The following TSPAN18 variants were observed in gnomAD, a reference collection of about 807,000 sequenced individuals.
The protein encoded by TSPAN18 is tetraspanin-18.
In TSPAN18, 14 loss-of-function variants were observed where a neutral mutation model predicts 27.3. The ratio of observed to expected loss-of-function variants is 0.51; its 90% CI spans 0.34 to 0.80. The LOEUF is 0.80. Ranked by LOEUF, TSPAN18 falls within the 30% of genes least tolerant of loss-of-function variation. TSPAN18 has a pLI of 0.01. For synonymous variants in TSPAN18, 143 were observed against 136.5 expected, an observed-to-expected ratio of 1.05 and a Z score of -0.33; for missense variants, 268 against 323.9, an observed-to-expected ratio of 0.83 and a Z score of 1.32.
At chr11:44,900,123 G>A (rs1859204213) in intron 3 of TSPAN18, among the ~76,000 whole-genome samples, 1 of 152,246 alleles carries the variant, frequency 6.6e-6, no homozygotes, top group Non-Finnish European at 1.5e-5. Flanking sequence ...CTAACAGCCA[G>A]GCAGGGATTG....
chr11:44,741,798 A>G (rs1490460741), intron 1 of TSPAN18, among the ~76,000 whole-genome samples: 9 of 152,202 alleles, frequency 5.9e-5, no homozygotes, highest in South Asian at 4.1e-4. Flanking sequence ...TCATCTAGAA[A>G]AAAGGGACAG....
At chr11:44,762,178 A>G (rs555000951) in intron 1 of TSPAN18, among the ~76,000 whole-genome samples, 108 of 152,344 alleles carry the variant, frequency 7.1e-4, no homozygotes, top group African/African-American at 2.3e-3. Flanking sequence ...TGGGCACCCA[A>G]GGGGTCATTG....
chr11:44,778,885 A>G (rs1554982455), intron 2 of TSPAN18, among the ~76,000 whole-genome samples: 1 of 152,136 alleles, frequency 6.6e-6, no homozygotes, highest in Non-Finnish European at 1.5e-5. Flanking sequence ...CAGTGCAGCC[A>G]GCTGTCCAGT....
intron 3 of TSPAN18, among the ~76,000 whole-genome samples, chr11:44,897,109 T>A (rs1209880590): frequency 6.6e-6 from 1 of 152,132 alleles, no homozygotes; most frequent in Non-Finnish European, 1.5e-5. Context: ...GGGACTGTCC[T>A]CTAACCCAAA....
intron 8 of TSPAN18, among the ~76,000 whole-genome samples, chr11:44,923,827 C>T (rs970193585): frequency 2.9e-5 from 4 of 135,976 alleles, no homozygotes; most frequent in African/African-American, 1.4e-4. Flanking sequence ...CTGTCCATGC[C>T]CCAACCTCCC....
At chr11:44,814,193 G>A (rs1474516791) in intron 2 of TSPAN18, among the ~76,000 whole-genome samples, 1 of 152,144 alleles carries the variant, frequency 6.6e-6, no homozygotes, top group East Asian at 1.9e-4. Context: ...AGTCAGGACT[G>A]ACATCTGCAT....
chr11:44,744,893 C>T (rs1351843488), intron 1 of TSPAN18, among the ~76,000 whole-genome samples: 1 of 152,174 alleles, frequency 6.6e-6, no homozygotes, highest in African/African-American at 2.4e-5. Flanking sequence ...GTAGGGCCTG[C>T]CTGAGTGCAG....
intron 2 of TSPAN18, among the ~76,000 whole-genome samples, chr11:44,770,899 G>A (rs142454336): frequency 0.013 from 1,969 of 152,246 alleles, 52 homozygotes; most frequent in African/African-American, 0.045. Context: ...AGATGGAAGA[G>A]CCTAGGGTGG....
chr11:44,932,297 TATATG>T lies in TSPAN18; in HGVS notation c.*3124_*3128del, dbSNP rs1422625526. On this transcript the variant is annotated 3_prime_UTR_variant, in exon 10 of 10. Transcript: ENST00000520358. ...TTTCTCTCCTGTGAGACCCCCCTTTTATATGATATATCCAGAGGAAGTTTTGTAAT... is the reference window on the plus strand; with the variant it reads ...TTTCTCTCCTGTGAGACCCCCCTTTTATATATCCAGAGGAAGTTTTGTAAT... The T allele has an allele frequency of 6.6e-6, 1 of 152,248 alleles. No homozygotes were observed. The highest frequency in any genetic ancestry group is 1.5e-5 in the Non-Finnish European group (1 of 68,052). The allele number at this position is 152,248 out of a possible 1,614,324, so 9.4% of individuals were successfully genotyped here.
chr11:44,865,707 G>A (rs907441186), intron 3 of TSPAN18, among the ~76,000 whole-genome samples: 2 of 152,122 alleles, frequency 1.3e-5, no homozygotes, highest in Non-Finnish European at 2.9e-5. Context: ...AAGGACAGGG[G>A]ACAGCTATGC....
intron 3 of TSPAN18, chr11:44,903,412 G>A (rs941532400): frequency 8.8e-6 from 4 of 456,378 alleles, no homozygotes; most frequent in African/African-American, 8.0e-5. Context: ...GGAATAACAA[G>A]AGGTGGCGAT....
chr11:44,859,323 C>T (rs1359988783), intron 2 of TSPAN18, among the ~76,000 whole-genome samples: 2 of 152,230 alleles, frequency 1.3e-5, no homozygotes, highest in Non-Finnish European at 2.9e-5. Context: ...CTATCCTCTG[C>T]GTCACCTCCT....
At chr11:44,846,612 G>GTGTGTGTGTGTGTCTA (rs1268460593) in intron 2 of TSPAN18, among the ~76,000 whole-genome samples, 365 of 152,216 alleles carry the variant, frequency 2.4e-3, no homozygotes, top group African/African-American at 8.1e-3. Context: ...GTGTTTGTGT[G>GTGTGTGTGTGTGTCTA]TGTGTCTATG....
intron 1 of TSPAN18, among the ~76,000 whole-genome samples, chr11:44,763,699 A>G (rs1855503144): frequency 6.6e-6 from 1 of 152,182 alleles, no homozygotes; most frequent in African/African-American, 2.4e-5. Flanking sequence ...ACACAGTGTG[A>G]TGTTTTGATT....
chr11:44,790,605 TG>T (rs554722975), intron 2 of TSPAN18, among the ~76,000 whole-genome samples: 1 of 148,152 alleles, frequency 6.7e-6, no homozygotes, highest in South Asian at 2.1e-4. Flanking sequence ...TGTGTGTGCA[TG>T]TGTTCGTGTG....
chr11:44,778,575 A>G (rs1855867079), intron 2 of TSPAN18, among the ~76,000 whole-genome samples: 2 of 151,978 alleles, frequency 1.3e-5, no homozygotes, highest in South Asian at 4.2e-4. Flanking sequence ...TTTGTGTCTC[A>G]GTTTCTCTAC....
At chr11:44,771,953 C>T (rs1420740329) in intron 2 of TSPAN18, among the ~76,000 whole-genome samples, 2 of 151,980 alleles carry the variant, frequency 1.3e-5, no homozygotes, top group African/African-American at 2.4e-5. Flanking sequence ...GTATAGAGGC[C>T]GAGAAATCCT....
chr11:44,835,650 G>A (rs1241450413), intron 2 of TSPAN18, among the ~76,000 whole-genome samples: 1 of 151,994 alleles, frequency 6.6e-6, no homozygotes, highest in Non-Finnish European at 1.5e-5. Flanking sequence ...GATAGGGGGC[G>A]GTGGTAGCAA....
chr11:44,928,980 A>C, intron 9 of TSPAN18, 151 bp from the exon 10 acceptor site: 4 of 972,782 alleles, frequency 4.1e-6, no homozygotes, highest in Non-Finnish European at 6.3e-6. Flanking sequence ...GCTGGTGAGA[A>C]GGGCTGGCCC....
Sources: allele counts gnomAD v4.1 joint callset (sites outside exome capture counted in the v4.1 genomes callset), GRCh38; gene constraint gnomAD v4.1.1; transcripts MANE v1.5; gene names NCBI Gene and HGNC (gene_info 2026-07-23, HGNC 2026-07-21).